Variants in SHISAL2A observed in about 807,000 individuals in gnomAD.
SHISAL2A encodes the protein protein shisa-like-2A.
In SHISAL2A, 18 loss-of-function variants were observed where a neutral mutation model predicts 11.5. That is an observed-to-expected ratio of 1.57 (90% CI 1.08 to 2.33). The LOEUF is 2.33. Among genes scored for constraint, SHISAL2A ranks in the 30% most tolerant of loss-of-function variants. SHISAL2A has a pLI of 0.00. For synonymous variants in SHISAL2A, 94 were observed against 99.6 expected (o/e 0.94, Z 0.34); for missense variants, 261 against 250.9 (o/e 1.04, Z -0.27).
intron 4 of SHISAL2A, among the ~76,000 whole-genome samples, chr1:52,666,180 G>T (rs531702433): frequency 2.0e-5 from 3 of 152,112 alleles, no homozygotes; most frequent in African/African-American, 7.2e-5. Context: ...GGCTGGGAGC[G>T]GTGGCTCACG....
downstream of SHISAL2A, among the ~76,000 whole-genome samples, chr1:52,660,182 C>T (rs1691875736): frequency 6.6e-6 from 1 of 152,146 alleles, no homozygotes; most frequent in African/African-American, 2.4e-5. Context: ...GGACTCCGAG[C>T]CAGAGAGATG....
downstream of SHISAL2A, among the ~76,000 whole-genome samples, chr1:52,658,402 T>A (rs531091233): frequency 4.4e-4 from 67 of 152,338 alleles, no homozygotes; most frequent in Middle Eastern, 3.4e-3. Flanking sequence ...AAAGACTTTT[T>A]AAATTACAAA....
At chr1:52,637,412 A>T (rs1691260958) in intron 1 of SHISAL2A, among the ~76,000 whole-genome samples, 1 of 152,204 alleles carries the variant, frequency 6.6e-6, no homozygotes, top group African/African-American at 2.4e-5. Context: ...AGTCCTTAAA[A>T]ACTTCAAAAT....
chr1:52,638,007 T>C (rs56246079), intron 1 of SHISAL2A, among the ~76,000 whole-genome samples: 4,698 of 152,296 alleles, frequency 0.031, 107 homozygotes, highest in Non-Finnish European at 0.05. Flanking sequence ...TCATCCCTGC[T>C]TGAGGCAGTA....
chr1:52,649,250 C>T (rs548087948), intron 2 of SHISAL2A, among the ~76,000 whole-genome samples: 23 of 152,284 alleles, frequency 1.5e-4, no homozygotes, highest in South Asian at 1.5e-3. Context: ...TGCTCTCTTG[C>T]GCTTCAATAG....
At chr1:52,643,410 GT>G (rs1249980065) in intron 2 of SHISAL2A, among the ~76,000 whole-genome samples, 4 of 152,054 alleles carry the variant, frequency 2.6e-5, no homozygotes, top group Non-Finnish European at 5.9e-5. Flanking sequence ...GTGTGTATGC[GT>G]TTTTTTAAAT....
rs80117993 is a variant in SHISAL2A at position 52,650,351 on chromosome 1, C to A, written c.323-6439C>A. On this transcript the variant is annotated intron_variant, in intron 2 of 2. Transcript: ENST00000517870. ...CTTGGAGAAAGGAGGGAAGGCACAGCGCTGGGCAGAGATGCCAGAAAACCT... is the reference window on the plus strand; with the variant it reads ...CTTGGAGAAAGGAGGGAAGGCACAGAGCTGGGCAGAGATGCCAGAAAACCT... Among the ~76,000 whole-genome samples the A allele has an allele frequency of 3.9e-5, 6 of 152,264 alleles. No homozygotes were observed. In the South Asian group the frequency reaches 8.3e-4, roughly 21 times the overall value.
intron 1 of SHISAL2A, among the ~76,000 whole-genome samples, chr1:52,634,617 C>T (rs1377849587): frequency 6.6e-6 from 1 of 152,174 alleles, no homozygotes; most frequent in African/African-American, 2.4e-5. Context: ...CTCAATCCCC[C>T]TGGGTCTCCA....
At position 52,634,831 on chromosome 1, in the gene SHISAL2A, C is replaced by T. The variant is rs1041365613; in HGVS notation, c.182+1156C>T. On this transcript the variant is annotated intron_variant, in intron 1 of 2. Coordinates refer to ENST00000517870, the MANE Select transcript of SHISAL2A (RefSeq NM_001042693.3). ...AGTCTCTGGCTTTTCATCTATCAAA[C>T]GGGCAGTAGGATGATCAATCATTGC... is the stretch of plus-strand genomic sequence containing the variant. Among the ~76,000 whole-genome samples, 11 of 152,164 alleles carry T rather than the reference C, an allele frequency of 7.2e-5. No individual in the cohort carries two copies. The East Asian group carries it at 1.2e-3, about 16-fold the overall frequency.
intron 1 of SHISAL2A, among the ~76,000 whole-genome samples, chr1:52,634,043 C>T (rs1482254991): frequency 6.6e-6 from 1 of 152,094 alleles, no homozygotes; most frequent in Non-Finnish European, 1.5e-5. Flanking sequence ...CAACTCCACC[C>T]CAATCATCAT....
intron 2 of SHISAL2A, among the ~76,000 whole-genome samples, chr1:52,652,282 A>G (rs1027850700): frequency 6.6e-6 from 1 of 152,220 alleles, no homozygotes; most frequent in Non-Finnish European, 1.5e-5. Flanking sequence ...CAGAGCTGAA[A>G]TCAGTGGGGA....
chr1:52,636,964 C>T (rs1691249270), intron 1 of SHISAL2A, among the ~76,000 whole-genome samples: 1 of 152,160 alleles, frequency 6.6e-6, no homozygotes, highest in Non-Finnish European at 1.5e-5. Context: ...GTGAGTAATT[C>T]TCTCAGCACC....
chr1:52,662,958 G>C (rs376407363), intron 4 of SHISAL2A, among the ~76,000 whole-genome samples: 1 of 152,354 alleles, frequency 6.6e-6, no homozygotes, highest in South Asian at 2.1e-4. Flanking sequence ...CTGCTGTCGT[G>C]CAGCCAGCCT....
intron 1 of SHISAL2A, among the ~76,000 whole-genome samples, chr1:52,638,170 C>T (rs1224629021): frequency 6.6e-6 from 1 of 152,078 alleles, no homozygotes; most frequent in Non-Finnish European, 1.5e-5. Context: ...GTGCCTGCCC[C>T]CTGACTGACC....
At chr1:52,652,054 C>T (rs977865276) in intron 2 of SHISAL2A, among the ~76,000 whole-genome samples, 2 of 152,200 alleles carry the variant, frequency 1.3e-5, no homozygotes, top group Non-Finnish European at 2.9e-5. Flanking sequence ...GCCAGTTGCT[C>T]AGAGCCCCAT....
downstream of SHISAL2A, among the ~76,000 whole-genome samples, chr1:52,661,926 G>A (rs908297054): frequency 1.3e-5 from 2 of 151,978 alleles, no homozygotes; most frequent in Non-Finnish European, 2.9e-5. Context: ...CCAGCTACTC[G>A]GGAGGCTGAG....
chr1:52,638,149 C>A (rs1010337077), intron 1 of SHISAL2A, among the ~76,000 whole-genome samples: 4 of 152,098 alleles, frequency 2.6e-5, no homozygotes, highest in Non-Finnish European at 4.4e-5. Context: ...CAGGACAGAC[C>A]AGCAGAGACA....
intron 1 of SHISAL2A, among the ~76,000 whole-genome samples, chr1:52,634,336 T>G (rs1243250504): frequency 6.6e-6 from 1 of 152,202 alleles, no homozygotes; most frequent in Non-Finnish European, 1.5e-5. Flanking sequence ...TATTTAGTCA[T>G]TCTTTCGGGC....
intron 2 of SHISAL2A, among the ~76,000 whole-genome samples, chr1:52,655,452 C>CAAAAAAAAAAAAAAAAAAA (rs11346128): frequency 1.5e-4 from 6 of 40,130 alleles, no homozygotes; most frequent in Admixed American, 3.7e-4. Context: ...CCTGTATCTA[C>CAAAAAAAAAAAAAAAAAAA]AAAAAAAAAA....
Sources: gnomAD v4.1 joint callset for allele counts (sites outside exome capture counted in the v4.1 genomes callset) on GRCh38, gnomAD v4.1.1 for gene constraint, MANE v1.5 for transcripts, NCBI Gene and HGNC (gene_info 2026-07-23, HGNC 2026-07-21) for gene names.